The following PUDP variants were observed in gnomAD, a reference collection of about 807,000 sequenced individuals.
The protein encoded by PUDP is pseudouridine-5'-phosphatase.
In PUDP, 8 loss-of-function variants were observed where a neutral mutation model predicts 9.4. The observed-to-expected ratio is 0.85, with a 90% CI of 0.50 to 1.53. The LOEUF (loss-of-function observed/expected upper bound fraction) is 1.53. Among genes scored for constraint, PUDP ranks in the 40% most tolerant of loss-of-function variants. PUDP has a pLI of 0.00. For missense variants in PUDP, 188 were observed against 189.7 expected (o/e 0.99, Z 0.05); for synonymous variants, 99 against 80.7 (o/e 1.23, Z -1.22).
chrX:6,928,624 G>A (rs1928141687), intron 3 of PUDP, among the ~76,000 whole-genome samples: 1 of 111,897 alleles, frequency 8.9e-6, no homozygotes, highest in Non-Finnish European at 1.9e-5. Flanking sequence ...AAATGACTTA[G>A]CACTTCCTAA....
intron 3 of PUDP, among the ~76,000 whole-genome samples, chrX:6,906,316 A>T (rs1310507999): frequency 8.9e-6 from 1 of 112,110 alleles, no homozygotes; most frequent in Non-Finnish European, 1.9e-5. Context: ...CTTAGGGAAA[A>T]ATTTAAAACA....
intron 2 of PUDP, among the ~76,000 whole-genome samples, chrX:7,098,224 A>G (rs1451850768): frequency 2.7e-5 from 3 of 112,462 alleles, no homozygotes; most frequent in Non-Finnish European, 5.6e-5. Flanking sequence ...GGACACTTGT[A>G]AAGAACAGAA....
At chrX:7,013,530 G>A (rs1439302878) in intron 1 of PUDP, among the ~76,000 whole-genome samples, 3 of 112,226 alleles carry the variant, frequency 2.7e-5, no homozygotes, top group East Asian at 5.6e-4. Context: ...GAGTGTCTCC[G>A]GTGAGCTAAA....
intron 1 of PUDP, among the ~76,000 whole-genome samples, chrX:7,006,166 T>C (rs1929399783): frequency 8.9e-6 from 1 of 112,194 alleles, no homozygotes; most frequent in Non-Finnish European, 1.9e-5. Context: ...TGTTTGGGTC[T>C]CTGCTTTCAA....
intron 3 of PUDP, among the ~76,000 whole-genome samples, chrX:6,968,846 C>T (rs1407447288): frequency 9.0e-6 from 1 of 111,605 alleles, no homozygotes; most frequent in African/African-American, 3.3e-5. Flanking sequence ...TCTCAAACTC[C>T]TGGCCTCAAA....
chrX:6,873,407 T>C (rs1014602675), intron 3 of PUDP, among the ~76,000 whole-genome samples: 1 of 112,126 alleles, frequency 8.9e-6, no homozygotes, highest in Non-Finnish European at 1.9e-5. Flanking sequence ...TTTGCTTCAA[T>C]AAATGGTAAC....
chrX:6,979,150 T>C (rs1928998123), intron 1 of PUDP, among the ~76,000 whole-genome samples: 2 of 112,327 alleles, frequency 1.8e-5, no homozygotes, highest in Admixed American at 9.5e-5. Flanking sequence ...CGTAATAGTA[T>C]GGTACCCTCC....
chrX:6,910,234 C>A (rs1346009384), intron 3 of PUDP, among the ~76,000 whole-genome samples: 2 of 112,134 alleles, frequency 1.8e-5, no homozygotes, highest in African/African-American at 6.5e-5. Flanking sequence ...GATAAGAATG[C>A]TCAGCCTGGG....
At chrX:6,955,667 A>G (rs1305261424) in intron 3 of PUDP, among the ~76,000 whole-genome samples, 7 of 111,793 alleles carry the variant, frequency 6.3e-5, no homozygotes, top group African/African-American at 2.3e-4. Flanking sequence ...ATATTGCTTA[A>G]CCAGTTTTGC....
At chrX:7,055,086 C>T (rs1930202023) in intron 3 of PUDP, among the ~76,000 whole-genome samples, 1 of 111,633 alleles carries the variant, frequency 9.0e-6, no homozygotes, top group Non-Finnish European at 1.9e-5. Context: ...ACCACACACA[C>T]AGCCTGCACG....
chrX:6,856,079 A>G (rs760607505), intron 3 of PUDP, among the ~76,000 whole-genome samples: 2 of 111,721 alleles, frequency 1.8e-5, no homozygotes, highest in African/African-American at 6.5e-5. Flanking sequence ...GATCGGAGGA[A>G]CTGAAGATAA....
At chrX:7,087,399 G>A (rs1000468804) in intron 2 of PUDP, among the ~76,000 whole-genome samples, 2 of 111,477 alleles carry the variant, frequency 1.8e-5, no homozygotes, top group African/African-American at 6.5e-5. Context: ...GTGCAGCCCT[G>A]CTCACACCTT....
At chrX:6,761,437 C>T (rs1428520786) in intron 3 of PUDP, among the ~76,000 whole-genome samples, 1 of 112,089 alleles carries the variant, frequency 8.9e-6, no homozygotes, top group African/African-American at 3.2e-5. Context: ...GGACTATTTC[C>T]TTTACACATG....
chrX:7,120,990 G>A (rs1440634454), intron 1 of PUDP, among the ~76,000 whole-genome samples: 1 of 111,763 alleles, frequency 8.9e-6, no homozygotes, highest in African/African-American at 3.3e-5. Context: ...AGAGGCAGGG[G>A]TTGCAGTGGG....
At chrX:7,000,343 T>G (rs1486032528) in intron 1 of PUDP, among the ~76,000 whole-genome samples, 1 of 110,914 alleles carries the variant, frequency 9.0e-6, no homozygotes, top group Non-Finnish European at 1.9e-5. Flanking sequence ...AAACATAAAC[T>G]GAGTCAGTGG....
At chrX:6,913,098 G>A (rs1182698797) in intron 3 of PUDP, among the ~76,000 whole-genome samples, 3 of 111,061 alleles carry the variant, frequency 2.7e-5, no homozygotes, top group Admixed American at 9.6e-5. Flanking sequence ...TACTTATATC[G>A]CTTACAAATC....
At chrX:6,868,659 C>A (rs916692720) in intron 3 of PUDP, among the ~76,000 whole-genome samples, 3 of 112,335 alleles carry the variant, frequency 2.7e-5, no homozygotes, top group African/African-American at 9.7e-5. Flanking sequence ...TATAAACTTG[C>A]TGTAAGTAGA....
At chrX:6,843,182 G>T (rs1398753921) in intron 3 of PUDP, among the ~76,000 whole-genome samples, 1 of 112,612 alleles carries the variant, frequency 8.9e-6, no homozygotes, top group Non-Finnish European at 1.9e-5. Context: ...CAAAGGCAAA[G>T]CTCAAAGTGA....
chrX:7,085,267 C>G (rs571583141), intron 2 of PUDP: 3 of 112,730 alleles, frequency 2.7e-5, no homozygotes, highest in African/African-American at 6.4e-5. Context: ...AAATGTCACA[C>G]GTGATCTCAC....
Sources: gnomAD v4.1 joint callset for allele counts (sites outside exome capture counted in the v4.1 genomes callset) on GRCh38, gnomAD v4.1.1 for gene constraint, MANE v1.5 for transcripts, NCBI Gene and HGNC (gene_info 2026-07-23, HGNC 2026-07-21) for gene names.